Variants in TMEM156 observed in about 807,000 individuals in gnomAD.
TMEM156 encodes the protein transmembrane protein 156.
In TMEM156, 28 loss-of-function variants were observed where a neutral mutation model predicts 30.5. The observed-to-expected ratio is 0.92, with a 90% CI of 0.68 to 1.26. The LOEUF is 1.26. Among genes scored for constraint, TMEM156 ranks in the 50% most tolerant of loss-of-function variants. The pLI is 0.00. For missense variants in TMEM156, 351 were observed against 340.6 expected (o/e 1.03, Z -0.24); for synonymous variants, 137 against 119.9 (o/e 1.14, Z -0.93).
At chr4:38,970,566 A>T (rs1034998416) in intron 6 of TMEM156, among the ~76,000 whole-genome samples, 1 of 151,800 alleles carries the variant, frequency 6.6e-6, no homozygotes, top group Admixed American at 6.6e-5. Flanking sequence ...ATGAATGAAT[A>T]AAAAAAAATT....
rs149357210 is a variant in TMEM156 at position 39,006,162 on chromosome 4, C to T, written c.89-7253G>A. ...CTGCCCACCTTGACCTCCAAAAGTG[C>T]TGGGATTACAGGCATGAACCACTGC... is the stretch of plus-strand genomic sequence containing the variant. On this transcript the variant is annotated intron_variant, in intron 1 of 6. Transcript: ENST00000381938. 7.9e-3 allele frequency among the ~76,000 whole-genome samples: 1,203 copies of T among 152,316 alleles called. 19 individuals are homozygous for T. Among genetic ancestry groups the T allele is most frequent in the African/African-American group, 0.026 (1,101 of 41,574 alleles).
At chr4:39,008,973 G>GT (rs1713927094) in intron 1 of TMEM156, among the ~76,000 whole-genome samples, 1 of 151,962 alleles carries the variant, frequency 6.6e-6, no homozygotes, top group Non-Finnish European at 1.5e-5. Context: ...AACAAAAGTT[G>GT]TTTTTTCAAA....
intron 1 of TMEM156, among the ~76,000 whole-genome samples, chr4:38,999,238 T>G (rs2109979451): frequency 6.6e-6 from 1 of 151,702 alleles, no homozygotes; most frequent in East Asian, 2.0e-4. Flanking sequence ...CAACTCAGCC[T>G]CCAGAGTAGC....
intron 1 of TMEM156, among the ~76,000 whole-genome samples, chr4:39,018,818 C>T (rs1035977081): frequency 2.0e-5 from 3 of 152,098 alleles, no homozygotes; most frequent in African/African-American, 7.2e-5. Flanking sequence ...GTCAAGAGTT[C>T]GAGACCAGCC....
chr4:39,017,165 T>TGTA (rs1560382865), intron 1 of TMEM156, among the ~76,000 whole-genome samples: 1 of 116,104 alleles, frequency 8.6e-6, no homozygotes, highest in Non-Finnish European at 1.7e-5. Flanking sequence ...CAAGTATGTA[T>TGTA]TTCTTCTTTT....
chr4:39,017,872 C>A (rs2110043727), intron 1 of TMEM156, among the ~76,000 whole-genome samples: 1 of 152,194 alleles, frequency 6.6e-6, no homozygotes. Flanking sequence ...TCACTTTTAT[C>A]TTAATGCTTT....
Position 38,998,913 on chromosome 4 carries a change from T to C in TMEM156, c.89-4A>G, listed in dbSNP as rs754817537. ...CATGATAGCTCCAATGTTCTTTCTG[T>C]AAAGAAAAAAGAAAAACACTTTCTT... On this transcript the variant is annotated splice_region_variant and splice_polypyrimidine_tract_variant and intron_variant, in intron 1 of 6. Transcript: ENST00000381938. 3.1e-6 allele frequency: 5 copies of C among 1,591,084 alleles called. No individual in the cohort carries two copies. Among genetic ancestry groups the C allele is most frequent in the Middle Eastern group, 1.7e-4 (1 of 5,766 alleles).
At chr4:38,987,180 T>G (rs1712069429) in intron 4 of TMEM156, among the ~76,000 whole-genome samples, 1 of 152,184 alleles carries the variant, frequency 6.6e-6, no homozygotes, top group African/African-American at 2.4e-5. Context: ...TATACACTAT[T>G]TATAAATAAC....
intron 2 of TMEM156, among the ~76,000 whole-genome samples, chr4:38,994,493 T>G (rs1056151836): frequency 6.6e-6 from 1 of 152,192 alleles, no homozygotes; most frequent in African/African-American, 2.4e-5. Context: ...AGTGTTGGAA[T>G]AGGATTGGAG....
At chr4:38,998,327 A>G (rs749507889) in intron 2 of TMEM156, 13 of 162,622 alleles carry the variant, frequency 8.0e-5, no homozygotes, top group Non-Finnish European at 1.6e-4. Context: ...TGAGTGGATC[A>G]CAAGGTCAGG....
intron 4 of TMEM156, among the ~76,000 whole-genome samples, chr4:38,988,034 C>T (rs1712127272): frequency 6.6e-6 from 1 of 152,096 alleles, no homozygotes; most frequent in Non-Finnish European, 1.5e-5. Context: ...AATCAATGTC[C>T]ATCCTGATAG....
Position 38,967,625 on chromosome 4 carries a change from A to G in TMEM156, c.*55T>C, listed in dbSNP as rs1442082059. 1.3e-5 allele frequency: 2 copies of G among 152,258 alleles called. No individual in the cohort carries two copies. Among genetic ancestry groups the G allele is most frequent in the Non-Finnish European group, 2.9e-5 (2 of 68,046 alleles). 9.4% of individuals were successfully genotyped at this position (152,258 alleles called of 1,614,324 possible). The stretch of plus-strand genomic sequence containing the variant: ...AGTATTCTTCAAAGGGCTCGGTCCA[A>G]CTTGCCCGGGGATATTCTGAAGATT... On this transcript the variant is annotated 3_prime_UTR_variant, in exon 7 of 7. Coordinates refer to ENST00000381938, the MANE Select transcript of TMEM156 (RefSeq NM_024943.3).
At chr4:38,968,568 T>C (rs1722452244) in intron 6 of TMEM156, among the ~76,000 whole-genome samples, 1 of 152,216 alleles carries the variant, frequency 6.6e-6, no homozygotes, top group Admixed American at 6.5e-5. Flanking sequence ...AGAGGAACTC[T>C]TCAGATGCAA....
intron 1 of TMEM156, among the ~76,000 whole-genome samples, chr4:39,017,171 CTTTTTTT>C (rs1159565890): frequency 2.2e-5 from 2 of 91,298 alleles, no homozygotes; most frequent in African/African-American, 8.9e-5. Flanking sequence ...TGTATTTCTT[CTTTTTTT>C]TTTTTTTTTT....
intron 1 of TMEM156, among the ~76,000 whole-genome samples, chr4:39,026,866 G>T (rs1715232198): frequency 6.6e-6 from 1 of 152,154 alleles, no homozygotes; most frequent in African/African-American, 2.4e-5. Flanking sequence ...GTTGGAGGTT[G>T]CAGTGAGCCG....
At chr4:39,023,799 A>T (rs1266844369) in intron 1 of TMEM156, among the ~76,000 whole-genome samples, 1 of 151,796 alleles carries the variant, frequency 6.6e-6, no homozygotes, top group Non-Finnish European at 1.5e-5. Flanking sequence ...GGTTGCAGTG[A>T]GCCAAGATAG....
At chr4:39,028,275 T>C (rs761205798) in intron 1 of TMEM156, 3 of 152,246 alleles carry the variant, frequency 2.0e-5, no homozygotes, top group Non-Finnish European at 2.9e-5. Flanking sequence ...TCAGGAACTA[T>C]TGATATACTG....
rs1235962697 is a variant in TMEM156, at chr4:39,023,845, C to A, written c.88+8381G>T. Among the ~76,000 whole-genome samples, 3 of 151,980 alleles carry A rather than the reference C, an allele frequency of 2.0e-5. No homozygotes were observed. In the South Asian group the frequency reaches 6.2e-4, roughly 32 times the overall value. ...CTCCAGCCTGGGTGACAGAGTGAGA[C>A]TCCGTTTAAAAAATAAAAAATAAAA... On this transcript the variant is annotated intron_variant, in intron 1 of 6. Transcript: ENST00000381938.
chr4:39,021,171 G>A (rs566413373), intron 1 of TMEM156, among the ~76,000 whole-genome samples: 7 of 152,156 alleles, frequency 4.6e-5, no homozygotes, highest in Non-Finnish European at 8.8e-5. Context: ...GGGAAGCCAA[G>A]ACAGGAGGAT....
Sources: allele counts gnomAD v4.1 joint callset (sites outside exome capture counted in the v4.1 genomes callset), GRCh38; gene constraint gnomAD v4.1.1; transcripts MANE v1.5; gene names NCBI Gene and HGNC (gene_info 2026-07-23, HGNC 2026-07-21).